The following GABRG3 variants were observed in gnomAD, a reference collection of about 807,000 sequenced individuals.
The protein encoded by GABRG3 is gamma-aminobutyric acid receptor subunit gamma-3.
In GABRG3, 25 loss-of-function variants were observed where a neutral mutation model predicts 48.8. The ratio of observed to expected loss-of-function variants is 0.51; its 90% CI spans 0.37 to 0.72. GABRG3 has a LOEUF of 0.72. Among genes scored for constraint, GABRG3 ranks in the 30% least tolerant of loss-of-function variants. The probability of loss-of-function intolerance (pLI) is 0.00; values close to 1 mark genes in which losing one functional copy is unlikely to be tolerated. For synonymous variants in GABRG3, 227 were observed against 217.6 expected, an observed-to-expected ratio of 1.04 and a Z score of -0.38; for missense variants, 394 against 577.9, an observed-to-expected ratio of 0.68 and a Z score of 3.26.
At chr15:27,301,630 GTATA>G (rs1400653370) in intron 3 of GABRG3, among the ~76,000 whole-genome samples, 1 of 151,848 alleles carries the variant, frequency 6.6e-6, no homozygotes, top group African/African-American at 2.4e-5. Flanking sequence ...GTGTGTGTGT[GTATA>G]TATTATTTCA....
At chr15:27,129,702 G>A (rs759369197) in intron 3 of GABRG3, among the ~76,000 whole-genome samples, 18 of 147,122 alleles carry the variant, frequency 1.2e-4, no homozygotes, top group Non-Finnish European at 2.4e-4. Context: ...ACACTTGTTA[G>A]TTTCTGTTTT....
chr15:27,082,903 G>C (rs1230534795), intron 3 of GABRG3, among the ~76,000 whole-genome samples: 4 of 152,172 alleles, frequency 2.6e-5, no homozygotes, highest in Non-Finnish European at 4.4e-5. Flanking sequence ...TCTGCTGCAA[G>C]AGGTGAGCCT....
chr15:27,490,906 C>T (rs1159375425), intron 6 of GABRG3, among the ~76,000 whole-genome samples: 2 of 151,896 alleles, frequency 1.3e-5, no homozygotes, highest in African/African-American at 2.4e-5. Flanking sequence ...CACCACCCCC[C>T]CTTCACACTG....
chr15:27,458,428 C>T (rs531499310), intron 5 of GABRG3, among the ~76,000 whole-genome samples: 1 of 152,246 alleles, frequency 6.6e-6, no homozygotes, highest in South Asian at 2.1e-4. Flanking sequence ...TCGAAATGGC[C>T]TAATTTAATA....
intron 3 of GABRG3, among the ~76,000 whole-genome samples, chr15:27,113,172 A>AT (rs901632092): frequency 6.6e-5 from 10 of 150,736 alleles, no homozygotes; most frequent in East Asian, 2.0e-4. Context: ...TCCAACAGTT[A>AT]TTTTTTTTCT....
intron 5 of GABRG3, among the ~76,000 whole-genome samples, chr15:27,423,125 A>C (rs910729625): frequency 2.0e-5 from 3 of 151,746 alleles, no homozygotes; most frequent in African/African-American, 7.3e-5. Context: ...CAGGGCTCCC[A>C]ACAGTGAAAC....
chr15:27,384,531 GA>G (rs1306825618), intron 5 of GABRG3, among the ~76,000 whole-genome samples: 1 of 152,144 alleles, frequency 6.6e-6, no homozygotes, highest in Admixed American at 6.5e-5. Context: ...GGGGACGTTG[GA>G]GTCAATTTAA....
chr15:27,310,093 T>A (rs1892944126), intron 3 of GABRG3, among the ~76,000 whole-genome samples: 2 of 152,070 alleles, frequency 1.3e-5, no homozygotes, highest in Non-Finnish European at 1.5e-5. Flanking sequence ...CCATGTATAT[T>A]CTACTCCCTC....
chr15:27,514,373 T>A (rs939426819), intron 6 of GABRG3, among the ~76,000 whole-genome samples: 1 of 152,220 alleles, frequency 6.6e-6, no homozygotes, highest in African/African-American at 2.4e-5. Context: ...CAGTCTCATC[T>A]GGAGACTTGA....
intron 3 of GABRG3, among the ~76,000 whole-genome samples, chr15:27,128,734 A>T (rs8024401): frequency 6.6e-6 from 1 of 152,134 alleles, no homozygotes; most frequent in Non-Finnish European, 1.5e-5. Context: ...GAAATGACTT[A>T]TTCGCAGAGC....
chr15:27,371,097 G>T (rs1391913043), intron 5 of GABRG3, among the ~76,000 whole-genome samples: 1 of 152,044 alleles, frequency 6.6e-6, no homozygotes, highest in Non-Finnish European at 1.5e-5. Context: ...AGCTTTGATG[G>T]CCAGTACACC....
intron 3 of GABRG3, among the ~76,000 whole-genome samples, chr15:27,028,215 C>T (rs1896017914): frequency 1.3e-5 from 2 of 152,104 alleles, no homozygotes; most frequent in African/African-American, 2.4e-5. Context: ...AGGGACTTCT[C>T]CAGTGAGGTC....
Position 27,336,822 on chromosome 15 carries a change from C to G in GABRG3, c.574+7934C>G, listed in dbSNP as rs143421337. Among the ~76,000 whole-genome samples, 3 of 152,256 alleles carry G rather than the reference C, an allele frequency of 2.0e-5. No individual in the cohort carries two copies. In the East Asian group the frequency reaches 5.8e-4, roughly 29 times the overall value. On this transcript the variant is annotated intron_variant, in intron 5 of 9. Coordinates refer to ENST00000615808, the MANE Select transcript of GABRG3 (RefSeq NM_033223.5). ...GTTGGTACATCCTTAAAATGGATGA[C>G]TACTCCACAAGAAAAACAAATTACT...
intron 3 of GABRG3, among the ~76,000 whole-genome samples, chr15:27,145,181 C>T (rs1009012020): frequency 2.0e-5 from 3 of 151,318 alleles, no homozygotes; most frequent in Non-Finnish European, 4.4e-5. Context: ...GGGAAAAAAC[C>T]GTCAATAGAA....
intron 5 of GABRG3, among the ~76,000 whole-genome samples, chr15:27,427,582 T>C (rs1401909174): frequency 6.6e-6 from 1 of 152,240 alleles, no homozygotes; most frequent in East Asian, 1.9e-4. Context: ...TTATCATTAC[T>C]AGGCATGTGG....
chr15:27,476,414 AT>A (rs1796350329), intron 5 of GABRG3, among the ~76,000 whole-genome samples: 1 of 152,186 alleles, frequency 6.6e-6, no homozygotes, highest in Admixed American at 6.5e-5. Context: ...CCTTAAAAAA[AT>A]CAAAGGAAAG....
rs946350280 is a variant in GABRG3 at position 27,352,942 on chromosome 15, G to C, written c.574+24054G>C. Among the ~76,000 whole-genome samples, 1 of 152,176 alleles carries C rather than the reference G, an allele frequency of 6.6e-6. No homozygotes were observed. The highest frequency in any genetic ancestry group is 1.5e-5 in the Non-Finnish European group (1 of 68,034). ...TTGCTGACAATGAGCCATTGAAAGC[G>C]AGTGGATCGTTTGATGGTTGGGTGT... On this transcript the variant is annotated intron_variant, in intron 5 of 9. Coordinates refer to ENST00000615808, the MANE Select transcript of GABRG3 (RefSeq NM_033223.5). The surrounding 1 kb of genome is among the most constrained non-coding windows in gnomAD (Gnocchi z 4.0).
At chr15:27,016,923 T>G (rs1439310935) in intron 2 of GABRG3, among the ~76,000 whole-genome samples, 1 of 152,236 alleles carries the variant, frequency 6.6e-6, no homozygotes, top group African/African-American at 2.4e-5. Flanking sequence ...TATTCCTCAC[T>G]CCAAGTAGTT....
At chr15:27,307,696 T>G (rs1385912613) in intron 3 of GABRG3, among the ~76,000 whole-genome samples, 1 of 130,260 alleles carries the variant, frequency 7.7e-6, no homozygotes, top group African/African-American at 2.7e-5. Context: ...TATGTTTATA[T>G]ATTTATATAT....
Sources: allele counts gnomAD v4.1 joint callset (sites outside exome capture counted in the v4.1 genomes callset), GRCh38; gene constraint gnomAD v4.1.1; non-coding constraint Gnocchi (gnomAD v3.1); transcripts MANE v1.5; gene names NCBI Gene and HGNC (gene_info 2026-07-23, HGNC 2026-07-21).